Variants in INPP5D observed in about 807,000 individuals in gnomAD.
The protein encoded by INPP5D is phosphatidylinositol 3,4,5-trisphosphate 5-phosphatase 1.
INPP5D carries 33 observed loss-of-function variants against 122.9 expected under a neutral mutation model. That is an observed-to-expected ratio of 0.27 (90% CI 0.20 to 0.36). INPP5D has a LOEUF of 0.36. Among genes scored for constraint, INPP5D ranks in the 10% least tolerant of loss-of-function variants. The pLI is 1.00. For synonymous variants in INPP5D, 584 were observed against 576.2 expected, an observed-to-expected ratio of 1.01 and a Z score of -0.19; for missense variants, 1,053 against 1,412.7, an observed-to-expected ratio of 0.75 and a Z score of 4.08.
At chr2:233,066,801 C>T (rs1354297504) in intron 1 of INPP5D, among the ~76,000 whole-genome samples, 1 of 150,670 alleles carries the variant, frequency 6.6e-6, no homozygotes, top group Non-Finnish European at 1.5e-5. Context: ...GAGACAGAGT[C>T]TCATCTCACC....
In INPP5D at chr2:233,078,723, G is replaced by A. The variant is rs537483900; in HGVS notation, c.135-612G>A. On this transcript the variant is annotated intron_variant, in intron 1 of 26. Transcript: ENST00000445964. This position sits in a 1 kb window ranked among gnomAD's most constrained non-coding sequence, Gnocchi z 4.6. ...TTTTGAGACGGAGTCTCACTCTGTCGCCAGGCTGGAGTGAAGTGGCACATT... is the reference window on the plus strand; with the variant it reads ...TTTTGAGACGGAGTCTCACTCTGTCACCAGGCTGGAGTGAAGTGGCACATT... 3.9e-5 allele frequency among the ~76,000 whole-genome samples: 6 copies of A among 151,984 alleles called. No homozygotes were observed. The highest frequency in any genetic ancestry group is 2.0e-4 in the Admixed American group (3 of 15,274).
At chr2:233,171,351 C>A (rs1694490498) in intron 17 of INPP5D, 199 bp downstream of exon 17, 10 of 673,822 alleles carry the variant, frequency 1.5e-5, no homozygotes, top group Admixed American at 3.6e-5. Context: ...GGGAAAATAA[C>A]CCTTGTGATT....
At chr2:233,149,438 G>T (rs1220664869) in intron 9 of INPP5D, among the ~76,000 whole-genome samples, 1 of 152,052 alleles carries the variant, frequency 6.6e-6, no homozygotes, top group Non-Finnish European at 1.5e-5. Flanking sequence ...CACTAAGTAT[G>T]GGGAACTGGG....
At chr2:233,064,358 C>G (rs938248093) in intron 1 of INPP5D, among the ~76,000 whole-genome samples, 1 of 152,254 alleles carries the variant, frequency 6.6e-6, no homozygotes, top group African/African-American at 2.4e-5. Context: ...TGTGGCCTTC[C>G]ACAGGCCACC....
chr2:233,193,463 CAAGTTT>C (rs1043597383), intron 22 of INPP5D, among the ~76,000 whole-genome samples: 3 of 152,280 alleles, frequency 2.0e-5, no homozygotes, highest in Admixed American at 2.0e-4. Context: ...TTTCTCTGTG[CAAGTTT>C]TAAACTTGCA....
intron 1 of INPP5D, among the ~76,000 whole-genome samples, chr2:233,077,548 A>G (rs988957046): frequency 4.6e-5 from 7 of 151,596 alleles, no homozygotes; most frequent in Admixed American, 2.6e-4. Flanking sequence ...AATCCCAGCT[A>G]CTTGAGAGGC....
intron 23 of INPP5D, 133 bp downstream of exon 23, chr2:233,194,094 T>G: frequency 7.3e-7 from 1 of 1,366,736 alleles, no homozygotes; most frequent in Non-Finnish European, 9.6e-7. Context: ...CTGGAAAAGA[T>G]CTCAGACAAT....
chr2:233,177,215 A>G lies in INPP5D; in HGVS notation c.1990-50A>G. 6.2e-7 allele frequency: 1 copy of G among 1,610,824 alleles called. No homozygotes were observed. The highest frequency in any genetic ancestry group is 1.7e-4 in the Middle Eastern group (1 of 6,046). ...GTTAATCTGTTCTTTTACTGATTAA[A>G]AAAATAATAATAAGAGGCATTTTTT... On this transcript the variant is annotated intron_variant, in intron 17 of 26. Coordinates refer to ENST00000445964, the MANE Select transcript of INPP5D (RefSeq NM_001017915.3). This position sits in a 1 kb window ranked among gnomAD's most constrained non-coding sequence, Gnocchi z 4.2.
chr2:233,093,743 G>A (rs1228152137), intron 2 of INPP5D, among the ~76,000 whole-genome samples: 18 of 151,816 alleles, frequency 1.2e-4, no homozygotes. Flanking sequence ...GCATTTGTTA[G>A]AGATGGTAGA....
At chr2:233,121,993 C>G (rs1303661563) in intron 2 of INPP5D, 114 bp from the exon 3 acceptor site, 3 of 1,236,418 alleles carry the variant, frequency 2.4e-6, no homozygotes, top group South Asian at 2.7e-5. Flanking sequence ...CAAGGCTTTT[C>G]CTGGATCGCA....
chr2:233,107,113 G>A (rs180916443), intron 2 of INPP5D, among the ~76,000 whole-genome samples: 1 of 152,326 alleles, frequency 6.6e-6, no homozygotes, highest in African/African-American at 2.4e-5. Flanking sequence ...GCTCATGGGG[G>A]ATAAGGCCTA....
At chr2:233,064,818 A>G (rs1691167734) in intron 1 of INPP5D, among the ~76,000 whole-genome samples, 3 of 152,188 alleles carry the variant, frequency 2.0e-5, no homozygotes, top group Admixed American at 2.0e-4. Context: ...AGTCCAACAG[A>G]GTTGGAAAGC....
Position 233,122,736 on chromosome 2 carries a change from G to A in INPP5D, c.349+479G>A, listed in dbSNP as rs144823035. 9.5e-4 allele frequency among the ~76,000 whole-genome samples: 144 copies of A among 152,320 alleles called. 3 individuals are homozygous for A. Among genetic ancestry groups the A allele is most frequent in the African/African-American group, 3.2e-3 (133 of 41,580 alleles). ...GCAGGAGGATCCCTTGAGTCCAGGA[G>A]TTCAAGGTTGCAGTGAGCCATGATT... On this transcript the variant is annotated intron_variant, in intron 3 of 26. Coordinates refer to ENST00000445964, the MANE Select transcript of INPP5D (RefSeq NM_001017915.3).
intron 2 of INPP5D, among the ~76,000 whole-genome samples, chr2:233,109,003 T>C (rs1029161769): frequency 6.6e-6 from 1 of 152,260 alleles, no homozygotes; most frequent in Non-Finnish European, 1.5e-5. Context: ...CTCTGTCTGA[T>C]GCTCAGTCAT....
intron 2 of INPP5D, among the ~76,000 whole-genome samples, chr2:233,085,741 C>A (rs948625513): frequency 6.6e-6 from 1 of 152,126 alleles, no homozygotes; most frequent in Non-Finnish European, 1.5e-5. Flanking sequence ...ACTGAGCAGC[C>A]CCTCCCTCTT....
chr2:233,165,339 T>C (rs1359753591), intron 13 of INPP5D, among the ~76,000 whole-genome samples: 2 of 150,874 alleles, frequency 1.3e-5, no homozygotes, highest in African/African-American at 4.9e-5. Flanking sequence ...GTACCACCCA[T>C]ATCTATGTGT....
At chr2:233,194,241 C>T (rs1695125895) in intron 23 of INPP5D, among the ~76,000 whole-genome samples, 1 of 152,158 alleles carries the variant, frequency 6.6e-6, no homozygotes, top group Admixed American at 6.6e-5. Flanking sequence ...TGTCATTCCC[C>T]CATTAGCACC....
Position 233,132,919 on chromosome 2 carries a change from C to T in INPP5D, c.665+2271C>T, listed in dbSNP as rs143576616. Reference sequence around the variant, plus strand: ...TTTTTTTTTTTTTGAGACAGGATCTCGCTCTGTCACCCAGGCTGGAGTGCC... The same window carrying T: ...TTTTTTTTTTTTTGAGACAGGATCTTGCTCTGTCACCCAGGCTGGAGTGCC... On this transcript the variant is annotated intron_variant, in intron 5 of 26. Transcript: ENST00000445964. 9.5e-3 allele frequency among the ~76,000 whole-genome samples: 1,305 copies of T among 137,962 alleles called. 22 individuals are homozygous for T. The highest frequency in any genetic ancestry group is 0.032 in the African/African-American group (1,193 of 37,546). The allele number at this position is 137,962 out of a possible 152,430, so 90.5% of individuals were successfully genotyped here. A position where few individuals can be genotyped will look rare whatever the true frequency, so the allele number is the denominator to read the frequency against.
intron 2 of INPP5D, among the ~76,000 whole-genome samples, chr2:233,094,547 A>G (rs1327646700): frequency 6.7e-6 from 1 of 149,646 alleles, no homozygotes; most frequent in African/African-American, 2.5e-5. Context: ...AAAAAATTCT[A>G]AAATCTGGCT....
Sources: allele counts gnomAD v4.1 joint callset (sites outside exome capture counted in the v4.1 genomes callset), GRCh38; gene constraint gnomAD v4.1.1; non-coding constraint Gnocchi (gnomAD v3.1); transcripts MANE v1.5; gene names NCBI Gene and HGNC (gene_info 2026-07-23, HGNC 2026-07-21).